The following GPRC6A variants were observed in gnomAD, a reference collection of about 807,000 sequenced individuals.
GPRC6A encodes the protein G protein-coupled receptor class C group 6 member A.
GPRC6A carries 54 observed loss-of-function variants against 47.0 expected under a neutral mutation model. That is an observed-to-expected ratio of 1.15 (90% confidence interval 0.92 to 1.44). The LOEUF (loss-of-function observed/expected upper bound fraction) is 1.44. GPRC6A is among the 40% of genes most tolerant of loss of function. The pLI, the probability that GPRC6A is intolerant of heterozygous loss-of-function variation, is 0.00. For synonymous variants in GPRC6A, 347 were observed against 377.1 expected, an observed-to-expected ratio of 0.92 and a Z score of 0.93; for missense variants, 1,112 against 1,105.5, an observed-to-expected ratio of 1.01 and a Z score of -0.08.
chr6:116,799,150 A>G (rs73559547), intron 4 of GPRC6A, among the ~76,000 whole-genome samples: 4,279 of 152,264 alleles, frequency 0.028, 158 homozygotes, highest in African/African-American at 0.086. Context: ...GGGAGAGAAT[A>G]TCAGTTCTGT....
chr6:116,826,064 C>T (rs541448462), intron 1 of GPRC6A, among the ~76,000 whole-genome samples: 1 of 151,766 alleles, frequency 6.6e-6, no homozygotes, highest in African/African-American at 2.4e-5. Flanking sequence ...AGAACTTAAA[C>T]ATAAGATCCC....
intron 1 of GPRC6A, among the ~76,000 whole-genome samples, chr6:116,814,195 G>C (rs572824279): frequency 1.3e-5 from 2 of 152,288 alleles, no homozygotes; most frequent in South Asian, 4.1e-4. Context: ...AGACAGTGTG[G>C]CGATTCCTCA....
chr6:116,822,960 G>A (rs1304166892), intron 1 of GPRC6A, among the ~76,000 whole-genome samples: 1 of 150,810 alleles, frequency 6.6e-6, no homozygotes, highest in Non-Finnish European at 1.5e-5. Flanking sequence ...GGCCTGTGAT[G>A]GGAGGGGCTG....
intron 1 of GPRC6A, among the ~76,000 whole-genome samples, chr6:116,827,836 A>C (rs942703612): frequency 2.0e-5 from 3 of 152,040 alleles, no homozygotes; most frequent in Non-Finnish European, 4.4e-5. Context: ...GAATGCCAAG[A>C]AATCTTAGTG....
chr6:116,797,731 C>T (rs1010902095), intron 4 of GPRC6A, among the ~76,000 whole-genome samples: 1 of 152,172 alleles, frequency 6.6e-6, no homozygotes, highest in Admixed American at 6.5e-5. Context: ...TAATAACCAT[C>T]TCTGCATTCA....
intron 1 of GPRC6A, 29 bp downstream of exon 1, chr6:116,828,791 T>A (rs1022293713): frequency 5.7e-6 from 9 of 1,583,924 alleles, no homozygotes; most frequent in African/African-American, 5.4e-5. Flanking sequence ...AATCTTGAAA[T>A]CTAAACGTGT....
At chr6:116,818,681 C>A (rs1437704768) in intron 1 of GPRC6A, among the ~76,000 whole-genome samples, 3 of 150,838 alleles carry the variant, frequency 2.0e-5, no homozygotes, top group Non-Finnish European at 4.4e-5. Flanking sequence ...ACCACCAGGC[C>A]TGCCCTAAAA....
At chr6:116,811,355 ATG>A (rs530635453) in intron 1 of GPRC6A, among the ~76,000 whole-genome samples, 90 of 152,140 alleles carry the variant, frequency 5.9e-4, no homozygotes, top group Non-Finnish European at 1.0e-3. Flanking sequence ...GAAACATCAG[ATG>A]TATATATATT....
Position 116,792,823 on chromosome 6 carries a change from G to A in GPRC6A, c.2100C>T (p.Cys700=), listed in dbSNP as rs759427603. 4 of 1,614,022 alleles carry A rather than the reference G, an allele frequency of 2.5e-6. No individual in the cohort carries two copies. The highest frequency in any genetic ancestry group is 4.5e-5 in the East Asian group (2 of 44,878). ...FDPKLQKFLK[C]LYRPILIIFT... ...AGATAATAAGGATCGGTCTATAGAG[G>A]CACTTCAGAAATTTCTGTAATTTGG... The change falls in exon 6 of 6, where the codon TGC becomes TGT. Residue 700 remains cysteine (C), a synonymous_variant. Coordinates refer to ENST00000310357, the MANE Select transcript of GPRC6A (RefSeq NM_148963.4).
At position 116,792,395 on chromosome 6, in the gene GPRC6A, A is replaced by G. The variant is rs142053954; in HGVS notation, c.2528T>C (p.Ile843Thr). ...CTTGAGAAAGGCAGACTTTGTGTTA[A>G]TCTCTTGCTTACAAATAATAACATA... ...KCYVIICKQE[I>T]NTKSAFLKMI... Residue 843 changes from isoleucine to threonine, a missense_variant, in exon 6 of 6, where the codon ATT (isoleucine) becomes ACT (threonine). Transcript: ENST00000310357. 65 of 1,613,964 alleles carry G rather than the reference A, an allele frequency of 4.0e-5. No homozygotes were observed. The highest frequency in any genetic ancestry group is 5.3e-5 in the Non-Finnish European group (63 of 1,179,972).
chr6:116,805,286 C>T (rs1020647543), intron 3 of GPRC6A, among the ~76,000 whole-genome samples: 2 of 151,786 alleles, frequency 1.3e-5, no homozygotes, highest in African/African-American at 4.8e-5. Context: ...AAAATACCCT[C>T]CCACCATTGC....
chr6:116,816,243 G>A (rs1187385817), intron 1 of GPRC6A, among the ~76,000 whole-genome samples: 1 of 152,136 alleles, frequency 6.6e-6, no homozygotes, highest in Non-Finnish European at 1.5e-5. Flanking sequence ...CTATGAGCCT[G>A]CAAAATAAAA....
chr6:116,804,888 T>C (rs139059838), intron 3 of GPRC6A, among the ~76,000 whole-genome samples: 1 of 152,086 alleles, frequency 6.6e-6, no homozygotes, highest in Non-Finnish European at 1.5e-5. Flanking sequence ...ACAACTGTTC[T>C]CTATTTCTCT....
intron 1 of GPRC6A, among the ~76,000 whole-genome samples, chr6:116,827,594 T>A (rs918385780): frequency 1.6e-4 from 25 of 151,910 alleles, no homozygotes; most frequent in Non-Finnish European, 3.5e-4. Context: ...TTCAACGGAG[T>A]GATTTTTTAA....
intron 1 of GPRC6A, among the ~76,000 whole-genome samples, chr6:116,813,507 A>G (rs1470960280): frequency 3.3e-5 from 5 of 152,172 alleles, no homozygotes. Context: ...AGAAACAGGG[A>G]AGGGATTCCC....
intron 1 of GPRC6A, among the ~76,000 whole-genome samples, chr6:116,816,971 C>A (rs1244636035): frequency 6.6e-6 from 1 of 152,246 alleles, no homozygotes; most frequent in Non-Finnish European, 1.5e-5. Flanking sequence ...GGGGCGCCCG[C>A]CATTGCCCAG....
intron 1 of GPRC6A, among the ~76,000 whole-genome samples, chr6:116,815,196 C>G (rs1213547465): frequency 6.6e-6 from 1 of 152,084 alleles, no homozygotes; most frequent in Non-Finnish European, 1.5e-5. Flanking sequence ...ATATAACAAA[C>G]TTACGACCAG....
chr6:116,810,443 C>G (rs1184176590), intron 1 of GPRC6A, among the ~76,000 whole-genome samples: 1 of 152,010 alleles, frequency 6.6e-6, no homozygotes, highest in Non-Finnish European at 1.5e-5. Context: ...ATGTTTCCTT[C>G]TGCTTCACTG....
At chr6:116,827,933 A>G (rs375088973) in intron 1 of GPRC6A, among the ~76,000 whole-genome samples, 3 of 152,188 alleles carry the variant, frequency 2.0e-5, no homozygotes. Flanking sequence ...AAGAGAAAAA[A>G]CAAGATTAAA....
Sources: allele counts gnomAD v4.1 joint callset (sites outside exome capture counted in the v4.1 genomes callset), GRCh38; gene constraint gnomAD v4.1.1; transcripts MANE v1.5; gene names NCBI Gene and HGNC (gene_info 2026-07-23, HGNC 2026-07-21).